The following RIMS2 variants were observed in gnomAD, a reference collection of about 807,000 sequenced individuals.
RIMS2 encodes regulating synaptic membrane exocytosis protein 2.
Under a neutral mutation model 174.4 loss-of-function variants are expected in RIMS2, and 59 were observed. The observed-to-expected ratio is 0.34, with a 90% CI of 0.27 to 0.42. The LOEUF (loss-of-function observed/expected upper bound fraction) is 0.42. Ranked by LOEUF, RIMS2 falls within the 10% of genes least tolerant of loss-of-function variation. The probability of loss-of-function intolerance (pLI) is 1.00; values close to 1 mark genes in which losing one functional copy is unlikely to be tolerated. For synonymous variants in RIMS2, 606 were observed against 572.5 expected, an observed-to-expected ratio of 1.06 and a Z score of -0.84; for missense variants, 1,620 against 1,666.3, an observed-to-expected ratio of 0.97 and a Z score of 0.48.
intron 4 of RIMS2, among the ~76,000 whole-genome samples, chr8:103,903,869 A>G (rs2073788851): frequency 6.6e-6 from 1 of 152,128 alleles, no homozygotes; most frequent in Non-Finnish European, 1.5e-5. Context: ...GATTTGTAGG[A>G]AGTTGGAAAG....
At chr8:103,521,905 C>T (rs770779488) in intron 1 of RIMS2, among the ~76,000 whole-genome samples, 6 of 151,284 alleles carry the variant, frequency 4.0e-5, no homozygotes, top group Non-Finnish European at 8.8e-5. Flanking sequence ...TTTGTTGCCC[C>T]TGCTTCTTCC....
chr8:103,982,750 T>G (rs1265991276), intron 16 of RIMS2, among the ~76,000 whole-genome samples: 1 of 152,130 alleles, frequency 6.6e-6, no homozygotes, highest in African/African-American at 2.4e-5. Flanking sequence ...GGAACATACC[T>G]CAACATGATG....
chr8:103,882,486 G>A (rs1331341508), intron 3 of RIMS2, among the ~76,000 whole-genome samples: 2 of 151,526 alleles, frequency 1.3e-5, no homozygotes, highest in African/African-American at 4.8e-5. Context: ...TTAACATACT[G>A]TAAGGTACTA....
chr8:103,948,451 A>G (rs2084380481), intron 14 of RIMS2, among the ~76,000 whole-genome samples: 1 of 152,250 alleles, frequency 6.6e-6, no homozygotes, highest in South Asian at 2.1e-4. Context: ...TGAATGGATA[A>G]TAAAATGTGG....
chr8:103,533,676 A>AAG (rs796303368), intron 1 of RIMS2, among the ~76,000 whole-genome samples: 1 of 116,552 alleles, frequency 8.6e-6, no homozygotes, highest in South Asian at 2.6e-4. Flanking sequence ...AAAAAAAAAA[A>AAG]AAAAAAGAAA....
At chr8:104,110,007 G>A (rs77423083) in intron 19 of RIMS2, among the ~76,000 whole-genome samples, 2,540 of 152,236 alleles carry the variant, frequency 0.017, 80 homozygotes, top group Admixed American at 0.069. Flanking sequence ...TCCTCAAAGA[G>A]CTTATTTTCT....
At chr8:104,244,858 T>C in intron 19 of RIMS2, 58 bp from the exon 26 acceptor site, 2 of 1,431,332 alleles carry the variant, frequency 1.4e-6, no homozygotes, top group South Asian at 2.4e-5. Context: ...CCTTCGCTGA[T>C]ATTTCTTACC....
intron 2 of RIMS2, among the ~76,000 whole-genome samples, chr8:103,715,596 T>C (rs1443961375): frequency 6.6e-6 from 1 of 152,200 alleles, no homozygotes; most frequent in African/African-American, 2.4e-5. Context: ...CGTTACTTTA[T>C]GTTAAAGAAA....
At chr8:104,236,082 C>A (rs1490727444) in intron 19 of RIMS2, among the ~76,000 whole-genome samples, 1 of 140,144 alleles carries the variant, frequency 7.1e-6, no homozygotes, top group Non-Finnish European at 1.6e-5. Context: ...TTTTTTTTAT[C>A]ATTCTCTCTA....
intron 16 of RIMS2, chr8:103,976,186 G>A (rs1046908437): frequency 1.3e-5 from 2 of 152,122 alleles, no homozygotes; most frequent in African/African-American, 4.8e-5. Context: ...GATTCTTGTG[G>A]AAAAAGAATT....
chr8:103,514,975 T>A (rs999207883), intron 1 of RIMS2, among the ~76,000 whole-genome samples: 2 of 152,052 alleles, frequency 1.3e-5, no homozygotes, highest in Non-Finnish European at 2.9e-5. Context: ...CATTTTTTTC[T>A]GATTGATGGA....
At chr8:103,655,472 A>T (rs558710655) in intron 1 of RIMS2, among the ~76,000 whole-genome samples, 25 of 152,224 alleles carry the variant, frequency 1.6e-4, no homozygotes, top group African/African-American at 6.0e-4. Flanking sequence ...TAATTAAAAA[A>T]AGTTTCCAAT....
At chr8:103,551,147 A>T (rs994605286) in intron 1 of RIMS2, among the ~76,000 whole-genome samples, 1 of 152,222 alleles carries the variant, frequency 6.6e-6, no homozygotes, top group Non-Finnish European at 1.5e-5. Flanking sequence ...CACAACAAAA[A>T]AAAGAGAATT....
chr8:103,705,629 A>G (rs575436526), intron 2 of RIMS2, among the ~76,000 whole-genome samples: 65 of 152,146 alleles, frequency 4.3e-4, no homozygotes, highest in African/African-American at 1.3e-3. Context: ...TTTGGGTTCT[A>G]TGACATTGGT....
chr8:103,636,549 G>C (rs1589460627), intron 1 of RIMS2, among the ~76,000 whole-genome samples: 1 of 152,246 alleles, frequency 6.6e-6, no homozygotes, highest in East Asian at 1.9e-4. Context: ...GTGCAGGGGA[G>C]AATCCCCTGG....
chr8:103,650,978 G>A (rs1010722311), intron 1 of RIMS2, among the ~76,000 whole-genome samples: 10 of 152,342 alleles, frequency 6.6e-5, no homozygotes, highest in African/African-American at 2.4e-4. Flanking sequence ...GGTATTCACA[G>A]ATGGATCTCC....
chr8:104,016,758 T>C (rs1441398942), intron 19 of RIMS2, among the ~76,000 whole-genome samples: 5 of 152,214 alleles, frequency 3.3e-5, no homozygotes, highest in East Asian at 3.9e-4. Context: ...ATGTTGTTCA[T>C]AGCAATAGTC....
intron 2 of RIMS2, among the ~76,000 whole-genome samples, chr8:103,718,181 C>T (rs1484576418): frequency 6.6e-6 from 1 of 151,982 alleles, no homozygotes; most frequent in Non-Finnish European, 1.5e-5. Flanking sequence ...GACATCCTGC[C>T]AAGGTAGAAT....
intron 14 of RIMS2, among the ~76,000 whole-genome samples, chr8:103,954,055 T>C (rs2086315393): frequency 2.0e-5 from 3 of 152,172 alleles, no homozygotes. Flanking sequence ...AAGAGCTAAC[T>C]ATTCTAACAA....
Sources: gnomAD v4.1 joint callset for allele counts (sites outside exome capture counted in the v4.1 genomes callset) on GRCh38, gnomAD v4.1.1 for gene constraint, MANE v1.5 for transcripts, NCBI Gene and HGNC (gene_info 2026-07-23, HGNC 2026-07-21) for gene names.